Variants in DACH1 observed in about 807,000 individuals in gnomAD.
DACH1 encodes dachshund family transcription factor 1, also known as dachshund homolog 1.
In DACH1, 12 loss-of-function variants were observed where a neutral mutation model predicts 54.2. That is an observed-to-expected ratio of 0.22 (90% CI 0.14 to 0.36). The LOEUF is 0.36. Ranked by LOEUF, DACH1 falls within the 10% of genes least tolerant of loss-of-function variation. DACH1 has a pLI of 1.00. For synonymous variants in DACH1, 386 were observed against 366.2 expected (o/e 1.05, Z -0.62); for missense variants, 805 against 929.8 (o/e 0.87, Z 1.75).
At chr13:71,675,726 G>A (rs1406417926) in intron 2 of DACH1, among the ~76,000 whole-genome samples, 3 of 152,076 alleles carry the variant, frequency 2.0e-5, no homozygotes, top group African/African-American at 7.2e-5. Context: ...AAATGTTTCA[G>A]TGAACAAGTT....
chr13:71,464,820 G>C, intron 10 of DACH1: 1 of 420,392 alleles, frequency 2.4e-6, no homozygotes, highest in South Asian at 1.7e-5. Flanking sequence ...ATATTCTCAA[G>C]ACTATGTTTA....
At chr13:71,806,111 T>C (rs1201578815) in intron 1 of DACH1, among the ~76,000 whole-genome samples, 3 of 152,154 alleles carry the variant, frequency 2.0e-5, no homozygotes, top group African/African-American at 7.2e-5. Context: ...CTGGCCAAAT[T>C]CTTTATAATT....
intron 1 of DACH1, among the ~76,000 whole-genome samples, chr13:71,853,333 C>T (rs1873792383): frequency 6.6e-6 from 1 of 152,146 alleles, no homozygotes; most frequent in African/African-American, 2.4e-5. Flanking sequence ...GGGCACACCA[C>T]TCTGCTTTAC....
intron 1 of DACH1, among the ~76,000 whole-genome samples, chr13:71,730,123 C>T (rs1175649814): frequency 6.6e-6 from 1 of 151,802 alleles, no homozygotes. Flanking sequence ...GTGGGTGCAG[C>T]ACACCAGCAT....
chr13:71,704,678 A>C (rs1882340342), intron 1 of DACH1: 2 of 286,152 alleles, frequency 7.0e-6, no homozygotes, highest in Non-Finnish European at 1.4e-5. Context: ...AAATAAAAAT[A>C]AAAGATCTCT....
intron 1 of DACH1, among the ~76,000 whole-genome samples, chr13:71,743,073 T>C (rs1233878153): frequency 1.3e-5 from 2 of 152,156 alleles, no homozygotes; most frequent in Non-Finnish European, 2.9e-5. Context: ...CATAGTAGAA[T>C]GAGTTTCCAA....
intron 1 of DACH1, among the ~76,000 whole-genome samples, chr13:71,700,563 C>A (rs1048865271): frequency 3.8e-5 from 3 of 78,280 alleles, no homozygotes; most frequent in East Asian, 6.5e-4. Context: ...AAGACTCCAT[C>A]TCAAAAAAAA....
At chr13:71,676,295 G>C (rs1278894284) in intron 2 of DACH1, among the ~76,000 whole-genome samples, 9 of 152,072 alleles carry the variant, frequency 5.9e-5, no homozygotes, top group Admixed American at 2.0e-4. Context: ...TTGGCTCACT[G>C]TAACCTCCTC....
intron 6 of DACH1, among the ~76,000 whole-genome samples, chr13:71,505,767 C>T (rs1236952739): frequency 1.3e-5 from 2 of 151,952 alleles, no homozygotes; most frequent in South Asian, 2.1e-4. Flanking sequence ...ATGAAAAAAC[C>T]AGGTAGAAAC....
At chr13:71,492,987 T>C (rs1429796269) in intron 6 of DACH1, among the ~76,000 whole-genome samples, 2 of 152,028 alleles carry the variant, frequency 1.3e-5, no homozygotes, top group East Asian at 3.9e-4. Flanking sequence ...GGTAGTTACA[T>C]AACAAATATT....
In DACH1 at chr13:71,569,462, A is replaced by AT. The variant is rs200501513; in HGVS notation, c.1299+3377dup. 5.4e-3 allele frequency among the ~76,000 whole-genome samples: 827 copies of AT among 152,180 alleles called. 10 individuals are homozygous for AT. Among genetic ancestry groups the AT allele is most frequent in the African/African-American group, 0.018 (741 of 41,522 alleles). ...ATATAATTCTCATGTGTCATGAAAT[A>AT]TTTTTCTTTTTATTTTTTTCCAACC... On this transcript the variant is annotated intron_variant, in intron 4 of 10. Coordinates refer to ENST00000613252, the MANE Select transcript of DACH1 (RefSeq NM_080759.6).
chr13:71,817,419 G>A (rs1836596437), intron 1 of DACH1, among the ~76,000 whole-genome samples: 1 of 152,170 alleles, frequency 6.6e-6, no homozygotes, highest in Admixed American at 6.5e-5. Context: ...GCCAGTTGAT[G>A]TATTAGTTAT....
chr13:71,804,019 T>C (rs1887389671), intron 1 of DACH1, among the ~76,000 whole-genome samples: 1 of 151,988 alleles, frequency 6.6e-6, no homozygotes, highest in Non-Finnish European at 1.5e-5. Context: ...ATTTCCCCTT[T>C]AAAAATATAT....
In DACH1 at chr13:71,496,162, T is replaced by C. The variant is rs536346402; in HGVS notation, c.1571-7014A>G. ...GCACAGCACAAGATTGGCTTGAACC[T>C]AGGGGGCAGAGGTTGCGGTGAGCGG... On this transcript the variant is annotated intron_variant, in intron 6 of 10. Transcript: ENST00000613252. Among the ~76,000 whole-genome samples, 5 of 150,518 alleles carry C rather than the reference T, an allele frequency of 3.3e-5. No homozygotes were observed. In the East Asian group the frequency reaches 9.9e-4, roughly 30 times the overall value.
intron 3 of DACH1, among the ~76,000 whole-genome samples, chr13:71,614,655 A>T (rs1875615834): frequency 6.6e-6 from 1 of 152,014 alleles, no homozygotes; most frequent in Non-Finnish European, 1.5e-5. Context: ...GGGGTCCCAG[A>T]TCATCCTGGG....
intron 1 of DACH1, among the ~76,000 whole-genome samples, chr13:71,834,840 A>C (rs1888720829): frequency 6.6e-6 from 1 of 152,032 alleles, no homozygotes; most frequent in Non-Finnish European, 1.5e-5. Flanking sequence ...TAATTTTTGG[A>C]AGCTGAATAG....
intron 2 of DACH1, among the ~76,000 whole-genome samples, chr13:71,640,172 A>T (rs1936587818): frequency 1.3e-5 from 2 of 151,984 alleles, no homozygotes; most frequent in South Asian, 4.1e-4. Flanking sequence ...AAGACAGTAA[A>T]CTATGGAGTC....
chr13:71,802,832 A>G (rs913634604), intron 1 of DACH1, among the ~76,000 whole-genome samples: 6 of 152,134 alleles, frequency 3.9e-5, no homozygotes, highest in African/African-American at 1.2e-4. Context: ...TTGTATTAAA[A>G]GCTCACACAT....
intron 1 of DACH1, among the ~76,000 whole-genome samples, chr13:71,758,547 A>AT (rs1885264228): frequency 6.6e-6 from 1 of 152,290 alleles, no homozygotes; most frequent in Non-Finnish European, 1.5e-5. Flanking sequence ...ATCCTCAAAT[A>AT]TTTTTTTATG....
Sources: allele counts gnomAD v4.1 joint callset (sites outside exome capture counted in the v4.1 genomes callset), GRCh38; gene constraint gnomAD v4.1.1; transcripts MANE v1.5; gene names NCBI Gene and HGNC (gene_info 2026-07-23, HGNC 2026-07-21).